Variants in CRTAM observed in about 807,000 individuals in gnomAD.
CRTAM encodes the protein cytotoxic and regulatory T cell molecule, also known as cytotoxic and regulatory T-cell molecule.
Under a neutral mutation model 50.0 loss-of-function variants are expected in CRTAM, and 44 were observed. That is an observed-to-expected ratio of 0.88 (90% CI 0.69 to 1.13). The LOEUF is 1.13. CRTAM is among the 50% of genes most tolerant of loss of function. CRTAM has a pLI of 0.00. For missense variants in CRTAM, 448 were observed against 457.5 expected (o/e 0.98, Z 0.19); for synonymous variants, 159 against 169.3 (o/e 0.94, Z 0.47).
chr11:122,854,674 AAG>A (rs1555041351), intron 4 of CRTAM, among the ~76,000 whole-genome samples: 3 of 150,146 alleles, frequency 2.0e-5, no homozygotes, highest in African/African-American at 4.9e-5. Context: ...AAAAAAAAAA[AAG>A]AAGAAGTATA....
At chr11:122,857,206 C>T (rs973161755) in intron 5 of CRTAM, among the ~76,000 whole-genome samples, 5 of 152,188 alleles carry the variant, frequency 3.3e-5, no homozygotes, top group South Asian at 2.1e-4. Context: ...TAATGGCTCA[C>T]GCCTGTAATC....
intron 7 of CRTAM, among the ~76,000 whole-genome samples, chr11:122,865,498 C>T (rs1381376269): frequency 6.6e-6 from 1 of 151,900 alleles, no homozygotes; most frequent in African/African-American, 2.4e-5. Flanking sequence ...TCATGTTCAC[C>T]GCAGCCTTGA....
intron 2 of CRTAM, among the ~76,000 whole-genome samples, chr11:122,851,433 T>G (rs1352507704): frequency 6.6e-6 from 1 of 152,178 alleles, no homozygotes; most frequent in African/African-American, 2.4e-5. Context: ...CATAATGCTT[T>G]TTGTTGTTTT....
intron 3 of CRTAM, 144 bp from the exon 4 acceptor site, chr11:122,853,799 C>T (rs1245720064): frequency 3.0e-6 from 2 of 669,192 alleles, no homozygotes; most frequent in East Asian, 3.4e-5. Flanking sequence ...GCCTGGGCGA[C>T]GGAGACTAAG....
chr11:122,868,510 T>A (rs955276096), intron 9 of CRTAM, among the ~76,000 whole-genome samples: 1 of 152,080 alleles, frequency 6.6e-6, no homozygotes, highest in Non-Finnish European at 1.5e-5. Context: ...TTGTTCTTTC[T>A]GGGCCCCCAA....
At chr11:122,859,303 G>A (rs1171163363) in intron 5 of CRTAM, among the ~76,000 whole-genome samples, 1 of 151,986 alleles carries the variant, frequency 6.6e-6, no homozygotes, top group African/African-American at 2.4e-5. Flanking sequence ...TGGACATGGG[G>A]TTTCGCCATG....
At chr11:122,852,700 T>C (rs772162971) in intron 3 of CRTAM, among the ~76,000 whole-genome samples, 4 of 152,184 alleles carry the variant, frequency 2.6e-5, no homozygotes, top group Non-Finnish European at 5.9e-5. Flanking sequence ...ACATCCTGGC[T>C]CAGCTGCTTG....
At chr11:122,842,493 G>T (rs1435103828) in intron 1 of CRTAM, among the ~76,000 whole-genome samples, 1 of 152,120 alleles carries the variant, frequency 6.6e-6, no homozygotes, top group Non-Finnish European at 1.5e-5. Context: ...CGGCCAGGCT[G>T]GTCTCGAACT....
chr11:122,842,962 A>G (rs944372443), intron 1 of CRTAM, among the ~76,000 whole-genome samples: 5 of 152,192 alleles, frequency 3.3e-5, no homozygotes, highest in African/African-American at 1.2e-4. Flanking sequence ...TCTGGTTTTA[A>G]ATTTATTGCA....
intron 1 of CRTAM, among the ~76,000 whole-genome samples, chr11:122,842,220 G>A (rs577758485): frequency 6.5e-4 from 99 of 152,340 alleles, no homozygotes; most frequent in African/African-American, 2.3e-3. Context: ...GGAAGCCATA[G>A]CAAACACTTG....
rs780322949 is a variant in CRTAM, at chr11:122,855,825, A to C, written c.621A>C (p.Lys207Asn). The C allele has an allele frequency of 1.2e-6, 2 of 1,613,768 alleles. No homozygotes were observed. ...IIRHRGLQGR[K>N]LVAPFRFEDL... Reference sequence around the variant, plus strand: ...GACACAGAGGCCTGCAAGGGAGAAAACTAGTAGCACCCTTCCGGTTTGAAG... The same window carrying C: ...GACACAGAGGCCTGCAAGGGAGAAACCTAGTAGCACCCTTCCGGTTTGAAG... Residue 207 changes from lysine to asparagine, a missense_variant, in exon 5 of 10, where the codon AAA becomes AAC. Transcript: ENST00000227348.
chr11:122,838,987 G>T (rs992447832), intron 1 of CRTAM, among the ~76,000 whole-genome samples: 1 of 152,042 alleles, frequency 6.6e-6, no homozygotes, highest in South Asian at 2.1e-4. Flanking sequence ...GGAGTGCAGC[G>T]GCACGACCTC....
At chr11:122,849,794 C>G (rs1377441638) in intron 1 of CRTAM, among the ~76,000 whole-genome samples, 1 of 152,022 alleles carries the variant, frequency 6.6e-6, no homozygotes, top group African/African-American at 2.4e-5. Flanking sequence ...GAGCAATCGC[C>G]CAAAACCTGT....
rs1565289000 is a variant in CRTAM, at chr11:122,851,731, G to T, written c.232G>T (p.Ala78Ser). The change falls in exon 3 of 10, where the codon GCC (alanine) becomes TCC (serine). Residue 78 changes from alanine to serine, a missense_variant. By Grantham distance (99) the Ala-to-Ser change is moderately conservative. Transcript: ENST00000227348. Reference sequence around the variant, plus strand: ...CAAATACCAGCTTCTTCATCACTCGGCCAATCAGCTCTCCATCACTGTGCC... The same window carrying T: ...CAAATACCAGCTTCTTCATCACTCGTCCAATCAGCTCTCCATCACTGTGCC... ...NSKYQLLHHS[A>S]NQLSITVPNV... 2 of 1,613,926 alleles carry T rather than the reference G, an allele frequency of 1.2e-6. No homozygotes were observed. The highest frequency in any genetic ancestry group is 1.7e-6 in the Non-Finnish European group (2 of 1,179,980).
At chr11:122,853,543 G>A (rs1037910359) in intron 3 of CRTAM, among the ~76,000 whole-genome samples, 2 of 151,800 alleles carry the variant, frequency 1.3e-5, no homozygotes, top group South Asian at 2.1e-4. Context: ...AATATGGGCC[G>A]GGCGCAGTGG....
At chr11:122,850,865 A>G (rs1191905127) in intron 2 of CRTAM, among the ~76,000 whole-genome samples, 1 of 152,144 alleles carries the variant, frequency 6.6e-6, no homozygotes, top group African/African-American at 2.4e-5. Flanking sequence ...GTTTTACTAA[A>G]CCCTAGATCA....
intron 6 of CRTAM, among the ~76,000 whole-genome samples, chr11:122,862,793 A>C (rs1304799577): frequency 6.6e-6 from 1 of 152,214 alleles, no homozygotes. Context: ...CCTGAGATAG[A>C]GATGTACACA....
intron 9 of CRTAM, among the ~76,000 whole-genome samples, chr11:122,868,823 A>G (rs2135257391): frequency 6.6e-6 from 1 of 152,264 alleles, no homozygotes; most frequent in Non-Finnish European, 1.5e-5. Context: ...CCTGGCTAAC[A>G]CAGTGAAACC....
At chr11:122,857,286 T>A (rs2135242870) in intron 5 of CRTAM, among the ~76,000 whole-genome samples, 1 of 152,218 alleles carries the variant, frequency 6.6e-6, no homozygotes, top group African/African-American at 2.4e-5. Flanking sequence ...CTGGCCAACA[T>A]GGCAAAACCC....
Sources: gnomAD v4.1 joint callset for allele counts (sites outside exome capture counted in the v4.1 genomes callset) on GRCh38, gnomAD v4.1.1 for gene constraint, MANE v1.5 for transcripts, NCBI Gene and HGNC (gene_info 2026-07-23, HGNC 2026-07-21) for gene names.